Variants in NDRG2 observed in about 807,000 individuals in gnomAD.
NDRG2 encodes the protein NDRG family member 2, also known as protein NDRG2.
Under a neutral mutation model 58.2 loss-of-function variants are expected in NDRG2, and 34 were observed. That is an observed-to-expected ratio of 0.58 (90% CI 0.44 to 0.78). The LOEUF (loss-of-function observed/expected upper bound fraction) is 0.78, where lower values mean the gene tolerates loss of function less well. NDRG2 is among the 30% of genes least tolerant of loss of function. NDRG2 has a pLI of 0.00. For synonymous variants in NDRG2, 187 were observed against 175.9 expected, an observed-to-expected ratio of 1.06 and a Z score of -0.50; for missense variants, 434 against 471.2, an observed-to-expected ratio of 0.92 and a Z score of 0.73.
At chr14:21,025,620 CG>C, upstream of NDRG2, 1 of 985,462 alleles carries the variant, frequency 1.0e-6, no homozygotes, top group Non-Finnish European at 1.2e-6. This position sits in a 1 kb window ranked among gnomAD's most constrained non-coding sequence, Gnocchi z 5.1. Flanking sequence ...AAAGGGGGCA[CG>C]GGGGAACGTC....
At chr14:21,067,767 C>CAT (rs977705794) in intron 1 of NDRG2, among the ~76,000 whole-genome samples, 3 of 151,552 alleles carry the variant, frequency 2.0e-5, no homozygotes, top group African/African-American at 7.3e-5. Flanking sequence ...CACGTACACA[C>CAT]ACACACACAC....
chr14:21,034,494 C>G (rs1335003638), intron 1 of NDRG2, among the ~76,000 whole-genome samples: 2 of 152,214 alleles, frequency 1.3e-5, no homozygotes, highest in Non-Finnish European at 2.9e-5. Flanking sequence ...CCCTGCTCCC[C>G]TGGTCCACCA....
intron 1 of NDRG2, among the ~76,000 whole-genome samples, chr14:21,046,390 C>A (rs1885145770): frequency 6.6e-6 from 1 of 152,014 alleles, no homozygotes; most frequent in Non-Finnish European, 1.5e-5. Flanking sequence ...GGTATGATGA[C>A]ACATGCCTGT....
chr14:21,025,137 G>A (rs530382538), upstream of NDRG2: 1 of 975,900 alleles, frequency 1.0e-6, no homozygotes. This position sits in a 1 kb window ranked among gnomAD's most constrained non-coding sequence, Gnocchi z 5.1. Context: ...GCCCACGGGC[G>A]CTAGGCTCCC....
intron 1 of NDRG2, among the ~76,000 whole-genome samples, chr14:21,041,236 C>G (rs1199390318): frequency 6.6e-6 from 1 of 152,168 alleles, no homozygotes; most frequent in Non-Finnish European, 1.5e-5. Context: ...CTTAGGCAAT[C>G]CTCCTGCCAT....
chr14:21,052,552 A>T (rs926698415), intron 1 of NDRG2, among the ~76,000 whole-genome samples: 3 of 152,204 alleles, frequency 2.0e-5, no homozygotes, highest in African/African-American at 7.2e-5. Flanking sequence ...TGCTGGAGAC[A>T]AAAGGAAAAT....
chr14:21,023,870 G>A, intron 1 of NDRG2, 160 bp downstream of exon 1: 1 of 642,388 alleles, frequency 1.6e-6, no homozygotes, highest in Non-Finnish European at 1.9e-6. Context: ...AACATAAAAG[G>A]GACATCTGTC....
intron 1 of NDRG2, chr14:21,036,334 G>T (rs781405612): frequency 9.4e-5 from 42 of 446,746 alleles, no homozygotes; most frequent in Non-Finnish European, 1.6e-4. Flanking sequence ...TTCTCATAGG[G>T]TAGGGGTGCC....
chr14:21,033,549 C>T, intron 1 of NDRG2: 1 of 499,540 alleles, frequency 2.0e-6, no homozygotes, highest in Admixed American at 3.4e-5. Context: ...ACACAGTCAA[C>T]TTCTTGGGTG....
At chr14:21,039,019 A>T (rs1053230376) in intron 1 of NDRG2, among the ~76,000 whole-genome samples, 1 of 152,248 alleles carries the variant, frequency 6.6e-6, no homozygotes, top group Admixed American at 6.5e-5. Context: ...CAAAATTAGG[A>T]TAACAGAACT....
At chr14:21,043,497 CA>C (rs1238758171) in intron 1 of NDRG2, 2 of 1,434,378 alleles carry the variant, frequency 1.4e-6, no homozygotes, top group Non-Finnish European at 1.9e-6. Flanking sequence ...GGCTGACCTT[CA>C]ATTCCCTCTC....
chr14:21,031,724 C>T (rs920141577), intron 1 of NDRG2, among the ~76,000 whole-genome samples: 4 of 152,160 alleles, frequency 2.6e-5, no homozygotes, highest in South Asian at 2.1e-4. Flanking sequence ...CGGCTCTTAC[C>T]AGAGTACCTG....
rs745559974 is a variant in NDRG2 at position 21,022,167 on chromosome 14, T to C, written c.239A>G (p.Gln80Arg). 4 of 1,614,092 alleles carry C rather than the reference T, an allele frequency of 2.5e-6. No individual in the cohort carries two copies. The African/African-American group carries it at 4.0e-5, about 16-fold the overall frequency. Residue 80 changes from glutamine (Q) to arginine (R), a missense_variant, in exon 5 of 16, where the codon CAG becomes CGG. Transcript: ENST00000556147. ...DVGLNYKSCF[Q>R]PLFQFEDMQE... ...CATGTCCTCGAACTGAAACAGTGGCTGGAAGCAAGATTTATCTAAAGAGAA... is the reference window on the plus strand; with the variant it reads ...CATGTCCTCGAACTGAAACAGTGGCCGGAAGCAAGATTTATCTAAAGAGAA...
chr14:21,070,090 T>C lies in NDRG2; in HGVS notation c.24+738A>G, dbSNP rs760913983. ...GGCGGAGAAGAAAGAAGGTTGCCGG[T>C]GAACGGGACGGATAGGCTGGGGACG... is the stretch of plus-strand genomic sequence containing the variant. On this transcript the variant is annotated intron_variant, in intron 1 of 14. Transcript: ENST00000403829. The surrounding 1 kb of genome is among the most constrained non-coding windows in gnomAD (Gnocchi z 4.7). Among the ~76,000 whole-genome samples the C allele has an allele frequency of 5.3e-5, 8 of 151,788 alleles. No individual in the cohort carries two copies. Among genetic ancestry groups the C allele is most frequent in the Non-Finnish European group, 1.0e-4 (7 of 67,902 alleles).
chr14:21,031,068 T>G, intron 1 of NDRG2: 1 of 1,614,124 alleles, frequency 6.2e-7, no homozygotes, highest in Non-Finnish European at 8.5e-7. Flanking sequence ...GTGAAGGAAC[T>G]GGGCCAGAAG....
In NDRG2 at chr14:21,022,993, A is replaced by G. The variant is rs548244095; in HGVS notation, c.76-88T>C. ...ACAAACAGACAAAGAGAGGCAAGTA[A>G]AGACAGACCAACAAATGACCAAAGA... On this transcript the variant is annotated intron_variant, in intron 2 of 15. Coordinates refer to ENST00000556147, the MANE Select transcript of NDRG2 (RefSeq NM_001320329.2). 994 of 1,432,746 alleles carry G rather than the reference A, an allele frequency of 6.9e-4. 3 individuals carry two copies. In the Middle Eastern group the frequency reaches 0.014, roughly 20 times the overall value. The allele number at this position is 1,432,746 out of a possible 1,614,324, so 88.8% of individuals were successfully genotyped here.
Position 21,020,709 on chromosome 14 carries a change from A to T in NDRG2, c.468+75T>A, listed in dbSNP as rs1879687528. ...CACCTAGTGCCCACTTCCTCCCCCAAACAGCACTAATAAACAGTATTCTCC... is the reference window on the plus strand; with the variant it reads ...CACCTAGTGCCCACTTCCTCCCCCATACAGCACTAATAAACAGTATTCTCC... On this transcript the variant is annotated intron_variant, in intron 7 of 15. Transcript: ENST00000556147. The T allele has an allele frequency of 1.9e-6, 3 of 1,597,934 alleles. No homozygotes were observed. The East Asian group carries it at 6.7e-5, about 36-fold the overall frequency.
At chr14:21,025,122 A>G (rs971366601), upstream of NDRG2, 6 of 969,584 alleles carry the variant, frequency 6.2e-6, no homozygotes, top group African/African-American at 9.4e-5. This position sits in a 1 kb window ranked among gnomAD's most constrained non-coding sequence, Gnocchi z 5.1. Flanking sequence ...GGCCCGCCCC[A>G]GCCCGCCCAC....
intron 1 of NDRG2, among the ~76,000 whole-genome samples, chr14:21,054,297 G>A (rs1186978165): frequency 1.3e-5 from 2 of 151,230 alleles, no homozygotes; most frequent in East Asian, 3.9e-4. Flanking sequence ...AGATAAGTAA[G>A]GAGATGTTTT....
Sources: gnomAD v4.1 joint callset for allele counts (sites outside exome capture counted in the v4.1 genomes callset) on GRCh38, gnomAD v4.1.1 for gene constraint, Gnocchi (gnomAD v3.1) non-coding constraint, MANE v1.5 for transcripts, NCBI Gene and HGNC (gene_info 2026-07-23, HGNC 2026-07-21) for gene names.